The following TESK2 variants were observed in gnomAD, a reference collection of about 807,000 sequenced individuals.
The protein encoded by TESK2 is testis associated actin remodelling kinase 2, also known as dual specificity testis-specific protein kinase 2.
TESK2 carries 39 observed loss-of-function variants against 57.1 expected under a neutral mutation model. That is an observed-to-expected ratio of 0.68 (90% CI 0.53 to 0.89). TESK2 has a LOEUF of 0.89. Among genes scored for constraint, TESK2 ranks in the 40% least tolerant of loss-of-function variants. TESK2 has a pLI of 0.00. For synonymous variants in TESK2, 249 were observed against 267.9 expected (o/e 0.93, Z 0.69); for missense variants, 646 against 732.1 (o/e 0.88, Z 1.36).
intron 1 of TESK2, among the ~76,000 whole-genome samples, chr1:45,479,071 T>C (rs1012602668): frequency 1.3e-5 from 2 of 152,162 alleles, no homozygotes; most frequent in African/African-American, 4.8e-5. Flanking sequence ...AATGTGTATC[T>C]TCTCCTTTAA....
chr1:45,431,031 C>G (rs1650926796), intron 2 of TESK2, among the ~76,000 whole-genome samples: 1 of 152,196 alleles, frequency 6.6e-6, no homozygotes, highest in African/African-American at 2.4e-5. Context: ...ATTATTTACT[C>G]AACACCAATT....
chr1:45,345,568 A>AC lies in TESK2; in HGVS notation c.998-11_998-10insG. 6.2e-6 allele frequency: 10 copies of AC among 1,608,284 alleles called. No individual in the cohort carries two copies. Among genetic ancestry groups the AC allele is most frequent in the Non-Finnish European group, 8.5e-6 (10 of 1,176,282 alleles). ...GCTTTCTCCAAGAGTCCTGAAGAAT[A>AC]ATCAAGTCTGGGTTACTCTCACTAG... is the stretch of plus-strand genomic sequence containing the variant. On this transcript the variant is annotated splice_polypyrimidine_tract_variant and intron_variant, in intron 10 of 10. Transcript: ENST00000372086.
intron 1 of TESK2, among the ~76,000 whole-genome samples, chr1:45,469,885 C>T (rs149789499): frequency 7.5e-4 from 114 of 152,310 alleles, no homozygotes; most frequent in African/African-American, 2.3e-3. Context: ...GATACAACTT[C>T]ACAATAGTCC....
intron 2 of TESK2, among the ~76,000 whole-genome samples, chr1:45,427,234 CA>C (rs111269135): frequency 7.7e-4 from 100 of 129,468 alleles, no homozygotes; most frequent in South Asian, 4.2e-3. Flanking sequence ...GACTCTGTCT[CA>C]AAAAAAAAAA....
chr1:45,384,196 T>C (rs1648767455), intron 4 of TESK2, among the ~76,000 whole-genome samples: 1 of 152,156 alleles, frequency 6.6e-6, no homozygotes, highest in African/African-American at 2.4e-5. Context: ...ACTCTTTCCT[T>C]TTCATTACAG....
intron 4 of TESK2, among the ~76,000 whole-genome samples, chr1:45,377,067 A>G (rs1648458812): frequency 6.6e-6 from 1 of 152,090 alleles, no homozygotes; most frequent in South Asian, 2.1e-4. Flanking sequence ...AAAAAATGTA[A>G]AAATTAGCTG....
chr1:45,376,213 C>CTTTTTT (rs71052869), intron 4 of TESK2, among the ~76,000 whole-genome samples: 3 of 80,682 alleles, frequency 3.7e-5, no homozygotes, highest in East Asian at 3.6e-4. Context: ...CTTTCTCTCT[C>CTTTTTT]TTTTTTTTTT....
At chr1:45,475,063 CAAAAAAAAAAA>C (rs58542898) in intron 1 of TESK2, among the ~76,000 whole-genome samples, 2 of 87,434 alleles carry the variant, frequency 2.3e-5, no homozygotes, top group Non-Finnish European at 4.9e-5. Flanking sequence ...GACTCTATCT[CAAAAAAAAAAA>C]AAAAAAAAGA....
At chr1:45,385,126 G>A (rs1648836885) in intron 4 of TESK2, among the ~76,000 whole-genome samples, 2 of 152,190 alleles carry the variant, frequency 1.3e-5, no homozygotes, top group Admixed American at 6.5e-5. Flanking sequence ...AATGTGAAAA[G>A]AATCTAGAAC....
intron 2 of TESK2, among the ~76,000 whole-genome samples, chr1:45,455,528 A>G (rs1570748524): frequency 6.6e-6 from 1 of 152,200 alleles, no homozygotes; most frequent in African/African-American, 2.4e-5. Flanking sequence ...CTCTGCTGCA[A>G]CCTGGAGTCT....
chr1:45,454,542 G>C (rs760473680), intron 2 of TESK2, among the ~76,000 whole-genome samples: 3 of 151,914 alleles, frequency 2.0e-5, no homozygotes, highest in Non-Finnish European at 2.9e-5. Flanking sequence ...GCCTCTCAAA[G>C]TGCTGGGATT....
chr1:45,371,269 C>T (rs998717475), intron 4 of TESK2, among the ~76,000 whole-genome samples: 6 of 152,078 alleles, frequency 3.9e-5, no homozygotes, highest in Admixed American at 3.9e-4. Flanking sequence ...ACCCAAAAGT[C>T]TGGAAAGTAA....
chr1:45,372,635 G>A (rs566048094), intron 4 of TESK2, among the ~76,000 whole-genome samples: 15 of 151,788 alleles, frequency 9.9e-5, no homozygotes, highest in Admixed American at 7.9e-4. Context: ...TCCCTATTAC[G>A]TGGGAGGCTA....
chr1:45,360,556 G>A (rs909204987), intron 4 of TESK2, among the ~76,000 whole-genome samples: 2 of 152,142 alleles, frequency 1.3e-5, no homozygotes, highest in Non-Finnish European at 2.9e-5. Context: ...AGGGTGGAGA[G>A]CACAGGAAAA....
chr1:45,476,631 A>G (rs1439426171), intron 1 of TESK2, among the ~76,000 whole-genome samples: 1 of 151,578 alleles, frequency 6.6e-6, no homozygotes, highest in Non-Finnish European at 1.5e-5. Context: ...GAGAATCACA[A>G]GGTCAGGAGA....
chr1:45,421,977 A>G, intron 2 of TESK2, 131 bp from the exon 3 acceptor site: 2 of 884,944 alleles, frequency 2.3e-6, no homozygotes, highest in Non-Finnish European at 3.4e-6. Context: ...TAATTACATT[A>G]AAGTATCACT....
intron 2 of TESK2, among the ~76,000 whole-genome samples, chr1:45,436,592 C>T (rs1329018882): frequency 1.4e-5 from 2 of 144,764 alleles, no homozygotes; most frequent in African/African-American, 2.6e-5. Flanking sequence ...CGGGTTCAAG[C>T]GATTCTCCTA....
chr1:45,465,066 G>A lies in TESK2; in HGVS notation c.-86-7195C>T, dbSNP rs559729657. On this transcript the variant is annotated intron_variant, in intron 1 of 10. Coordinates refer to ENST00000372086, the MANE Select transcript of TESK2 (RefSeq NM_007170.3). ...GGCCTGGCCAACATGGTGAAACCCC[G>A]TCTCTACTAAAAATACAAAACTTAG... Among the ~76,000 whole-genome samples the A allele has an allele frequency of 6.1e-4, 93 of 152,136 alleles. 2 individuals are homozygous for A. The highest frequency in any genetic ancestry group is 2.0e-3 in the African/African-American group (82 of 41,508).
chr1:45,378,685 A>G (rs941104914), intron 4 of TESK2, among the ~76,000 whole-genome samples: 2 of 152,214 alleles, frequency 1.3e-5, no homozygotes, highest in African/African-American at 2.4e-5. Flanking sequence ...TTAGAAAGCC[A>G]CTAAGTTTTG....
Sources: gnomAD v4.1 joint callset for allele counts (sites outside exome capture counted in the v4.1 genomes callset) on GRCh38, gnomAD v4.1.1 for gene constraint, MANE v1.5 for transcripts, NCBI Gene and HGNC (gene_info 2026-07-23, HGNC 2026-07-21) for gene names.